SWT1: variants seen among roughly 807,000 people sequenced by gnomAD.
SWT1 encodes the protein transcriptional protein SWT1.
Under a neutral mutation model 107.3 loss-of-function variants are expected in SWT1, and 33 were observed. The observed-to-expected ratio is 0.31, with a 90% CI of 0.23 to 0.41. The LOEUF (loss-of-function observed/expected upper bound fraction) is 0.41. Among genes scored for constraint, SWT1 ranks in the 10% least tolerant of loss-of-function variants. The pLI is 1.00. For synonymous variants in SWT1, 345 were observed against 348.3 expected (o/e 0.99, Z 0.11); for missense variants, 898 against 1,028.9 (o/e 0.87, Z 1.74).
intron 18 of SWT1, among the ~76,000 whole-genome samples, chr1:185,287,738 A>G (rs1051337702): frequency 2.6e-5 from 4 of 152,218 alleles, no homozygotes; most frequent in Non-Finnish European, 5.9e-5. Context: ...AAGAATGCCT[A>G]TCACCATGAT....
At position 185,243,354 on chromosome 1, in the gene SWT1, T is replaced by C. The variant is rs78156411; in HGVS notation, c.2441+11646T>C. ...TGATCTCCTGGACTCAAGCAATGCA[T>C]CTTCTTCAGCTTCCCAAATTGCTGG... On this transcript the variant is annotated intron_variant, in intron 16 of 18. Coordinates refer to ENST00000367500, the MANE Select transcript of SWT1 (RefSeq NM_017673.7). Among the ~76,000 whole-genome samples the C allele has an allele frequency of 5.5e-3, 842 of 152,240 alleles. 35 individuals are homozygous for C. The East Asian group carries it at 0.094, about 17-fold the overall frequency.
At chr1:185,224,559 A>C (rs1047581111) in intron 15 of SWT1, among the ~76,000 whole-genome samples, 4 of 152,150 alleles carry the variant, frequency 2.6e-5, no homozygotes, top group African/African-American at 9.7e-5. Flanking sequence ...TCTGTAGATC[A>C]CTTTGGAAAG....
At chr1:185,250,737 A>G (rs1182203509) in intron 16 of SWT1, among the ~76,000 whole-genome samples, 1 of 151,996 alleles carries the variant, frequency 6.6e-6, no homozygotes, top group East Asian at 1.9e-4. Flanking sequence ...ATCTTGGCTC[A>G]CTGCAACCTC....
chr1:185,239,824 A>G (rs1322112071), intron 16 of SWT1, among the ~76,000 whole-genome samples: 1 of 152,104 alleles, frequency 6.6e-6, no homozygotes, highest in African/African-American at 2.4e-5. Flanking sequence ...AAGACCACAG[A>G]AACCTTTTGC....
chr1:185,223,056 A>T (rs1007565648), intron 15 of SWT1, among the ~76,000 whole-genome samples: 3 of 152,180 alleles, frequency 2.0e-5, no homozygotes, highest in African/African-American at 7.2e-5. Flanking sequence ...TGTCCTTTGG[A>T]TGTATACCCA....
chr1:185,212,803 CAA>C (rs71555460), intron 13 of SWT1, among the ~76,000 whole-genome samples: 3 of 130,308 alleles, frequency 2.3e-5, no homozygotes, highest in Non-Finnish European at 3.4e-5. Flanking sequence ...AACTCTGTCT[CAA>C]AAAAAAAAAA....
chr1:185,188,211 T>C (rs532484461), intron 9 of SWT1, among the ~76,000 whole-genome samples: 20 of 152,340 alleles, frequency 1.3e-4, no homozygotes, highest in African/African-American at 4.8e-4. Flanking sequence ...CATGTACAGG[T>C]GCTCAAAAGT....
At chr1:185,191,160 G>A (rs977857520) in intron 10 of SWT1, among the ~76,000 whole-genome samples, 2 of 152,074 alleles carry the variant, frequency 1.3e-5, no homozygotes, top group African/African-American at 2.4e-5. Flanking sequence ...TGAGATTATT[G>A]TATTTAATCT....
chr1:185,175,202 GT>G (rs377403489), intron 5 of SWT1, 89 bp downstream of exon 5: 57,786 of 692,018 alleles, frequency 0.084, 155 homozygotes, highest in African/African-American at 0.093. Context: ...ATTTTTTTCT[GT>G]TTTTTTTTTT....
At chr1:185,216,463 TTTAA>T (rs1302632341) in intron 14 of SWT1, among the ~76,000 whole-genome samples, 2 of 152,140 alleles carry the variant, frequency 1.3e-5, no homozygotes, top group African/African-American at 4.8e-5. Flanking sequence ...TTAACAGTCT[TTTAA>T]TTAAGATTAT....
intron 16 of SWT1, among the ~76,000 whole-genome samples, chr1:185,257,502 G>C (rs7535064): frequency 0.4 from 60,444 of 151,472 alleles, 13,117 homozygotes; most frequent in African/African-American, 0.58. Context: ...TTTTTAAGCC[G>C]GTCGGAAAAG....
intron 16 of SWT1, among the ~76,000 whole-genome samples, chr1:185,239,977 T>C (rs1324877403): frequency 6.6e-6 from 1 of 152,094 alleles, no homozygotes; most frequent in African/African-American, 2.4e-5. Flanking sequence ...AACTGTCATC[T>C]TTGCAGAGTT....
chr1:185,231,793 G>A, intron 16 of SWT1, 85 bp downstream of exon 16: 3 of 1,052,618 alleles, frequency 2.9e-6, no homozygotes, highest in Non-Finnish European at 4.2e-6. Context: ...AGAGTTGCTA[G>A]GAGTCACATA....
At chr1:185,232,534 A>G (rs1660574696) in intron 16 of SWT1, among the ~76,000 whole-genome samples, 1 of 152,224 alleles carries the variant, frequency 6.6e-6, no homozygotes, top group Admixed American at 6.5e-5. Flanking sequence ...ATTAAAACAG[A>G]TCTTGCAATC....
chr1:185,162,981 T>C (rs1654275274), intron 2 of SWT1, among the ~76,000 whole-genome samples: 1 of 151,906 alleles, frequency 6.6e-6, no homozygotes, highest in Non-Finnish European at 1.5e-5. Context: ...ATAATAAATT[T>C]AAAAAATACT....
chr1:185,247,050 T>G (rs920020064), intron 16 of SWT1, among the ~76,000 whole-genome samples: 1 of 152,324 alleles, frequency 6.6e-6, no homozygotes, highest in African/African-American at 2.4e-5. Context: ...TGTGATTGCC[T>G]TATTATTATT....
Position 185,184,736 on chromosome 1 carries a change from T to A in SWT1, c.1241-7T>A, listed in dbSNP as rs759643501. 6.9e-6 allele frequency: 11 copies of A among 1,599,610 alleles called. No homozygotes were observed. In the Middle Eastern group the frequency reaches 6.6e-4, roughly 96 times the overall value. On this transcript the variant is annotated splice_polypyrimidine_tract_variant and splice_region_variant and intron_variant, in intron 8 of 18. Coordinates refer to ENST00000367500, the MANE Select transcript of SWT1 (RefSeq NM_017673.7). ...GTTAAATTCTAAGAAATCTTTTTAT[T>A]TTTTAGGTTTTGACAAACTTGTGTT...
chr1:185,174,483 G>T lies in SWT1; in HGVS notation c.336G>T (p.Leu112Phe). 1 of 1,611,054 alleles carries T rather than the reference G, an allele frequency of 6.2e-7. No individual in the cohort carries two copies. Among genetic ancestry groups the T allele is most frequent in the East Asian group, 2.2e-5 (1 of 44,812 alleles). The change falls in exon 5 of 19, where the codon TTG becomes TTT. Residue 112 changes from leucine (L) to phenylalanine (F), a missense_variant. By Grantham distance (22) the Leu-to-Phe change is conservative (BLOSUM62 0). This residue lies in a region of SWT1 where 382 missense variants were observed against 362.4 expected (regional missense o/e 1.05). Coordinates refer to ENST00000367500, the MANE Select transcript of SWT1 (RefSeq NM_017673.7). ...ATTCAAATGATAATCAAATTATTTT[G>T]CAGAGTCCTTCTTCAAATGGAACTA... ...ASYSNDNQII[L>F]QSPSSNGTKK...
chr1:185,195,003 A>T (rs1657263311), intron 10 of SWT1, among the ~76,000 whole-genome samples: 1 of 151,308 alleles, frequency 6.6e-6, no homozygotes, highest in Admixed American at 6.6e-5. Context: ...CTTTCTTTTT[A>T]TTATTATTAT....
Sources: gnomAD v4.1 joint callset for allele counts (sites outside exome capture counted in the v4.1 genomes callset) on GRCh38, gnomAD v4.1.1 for gene constraint, gnomAD v4.1.1 regional missense constraint, MANE v1.5 for transcripts, NCBI Gene and HGNC (gene_info 2026-07-23, HGNC 2026-07-21) for gene names.